Variants in CDH18 observed in about 807,000 individuals in gnomAD.
CDH18 encodes cadherin-18.
A neutral mutation model predicts 67.9 loss-of-function variants in CDH18; 31 were observed. The observed-to-expected ratio is 0.46, with a 90% confidence interval of 0.34 to 0.62. The LOEUF is 0.62. Among genes scored for constraint, CDH18 ranks in the 20% least tolerant of loss-of-function variants. The pLI, the probability that CDH18 is intolerant of heterozygous loss-of-function variation, is 0.01. For synonymous variants in CDH18, 362 were observed against 347.2 expected, an observed-to-expected ratio of 1.04 and a Z score of -0.48; for missense variants, 890 against 975.5, an observed-to-expected ratio of 0.91 and a Z score of 1.17.
intron 11 of CDH18, among the ~76,000 whole-genome samples, chr5:19,497,320 C>A (rs1742512940): frequency 6.6e-6 from 1 of 151,962 alleles, no homozygotes. Context: ...GTGTATAGAC[C>A]ACATTTTCTT....
chr5:20,253,964 C>T (rs907844921), intron 2 of CDH18, among the ~76,000 whole-genome samples: 2 of 152,062 alleles, frequency 1.3e-5, no homozygotes, highest in Non-Finnish European at 2.9e-5. Flanking sequence ...CCAAGTTCAT[C>T]ACAAAAGAAA....
chr5:20,409,719 A>G (rs1362254459), intron 1 of CDH18, among the ~76,000 whole-genome samples: 2 of 151,626 alleles, frequency 1.3e-5, no homozygotes, highest in Non-Finnish European at 3.0e-5. Flanking sequence ...AACTGAGTTA[A>G]TATTTTGAAA....
At chr5:19,782,360 G>C (rs1775217860) in intron 3 of CDH18, among the ~76,000 whole-genome samples, 2 of 152,128 alleles carry the variant, frequency 1.3e-5, no homozygotes, top group Non-Finnish European at 2.9e-5. Context: ...ACCTCCACCT[G>C]GTTCCGCCCT....
chr5:20,407,238 C>A (rs1416510563), intron 1 of CDH18, among the ~76,000 whole-genome samples: 1 of 152,044 alleles, frequency 6.6e-6, no homozygotes, highest in African/African-American at 2.4e-5. Context: ...ACCACACAAC[C>A]AATGTTTCAA....
At chr5:20,442,795 A>G (rs1749701282) in intron 1 of CDH18, among the ~76,000 whole-genome samples, 2 of 151,918 alleles carry the variant, frequency 1.3e-5, no homozygotes, top group South Asian at 4.1e-4. Flanking sequence ...TAATTTTGCC[A>G]AAGACTAGTG....
intron 1 of CDH18, among the ~76,000 whole-genome samples, chr5:20,283,935 T>C (rs1008073385): frequency 2.6e-5 from 4 of 152,016 alleles, no homozygotes; most frequent in African/African-American, 9.7e-5. Context: ...TGAGATCCTA[T>C]CATTGACAAT....
At position 19,732,480 on chromosome 5, in the gene CDH18, C is replaced by T. The variant is rs545610594; in HGVS notation, c.524-11014G>A. 7.9e-5 allele frequency among the ~76,000 whole-genome samples: 12 copies of T among 151,228 alleles called. No homozygotes were observed. In the South Asian group the frequency reaches 2.3e-3, roughly 29 times the overall value. On this transcript the variant is annotated intron_variant, in intron 4 of 12. Transcript: ENST00000382275. ...GATTATGCCACTGCACTCCAGTCTA[C>T]GTGACAGAGTGAGACCTTGTCTCAA...
chr5:19,980,423 T>C (rs979017366), intron 2 of CDH18, among the ~76,000 whole-genome samples: 1 of 152,184 alleles, frequency 6.6e-6, no homozygotes, highest in Non-Finnish European at 1.5e-5. Flanking sequence ...AAATACACTC[T>C]TTATACCTAA....
At chr5:20,516,481 G>T (rs1239310822) in intron 1 of CDH18, among the ~76,000 whole-genome samples, 1 of 151,764 alleles carries the variant, frequency 6.6e-6, no homozygotes, top group Non-Finnish European at 1.5e-5. Context: ...GGTGACTTTG[G>T]GCTGAGTTTT....
At chr5:20,046,327 G>C (rs1022391158) in intron 2 of CDH18, among the ~76,000 whole-genome samples, 1 of 151,926 alleles carries the variant, frequency 6.6e-6, no homozygotes, top group Non-Finnish European at 1.5e-5. Flanking sequence ...ACTGAGATGA[G>C]GAACAGTTGG....
intron 5 of CDH18, among the ~76,000 whole-genome samples, chr5:19,666,612 T>C (rs1487865370): frequency 1.3e-5 from 2 of 151,992 alleles, no homozygotes; most frequent in African/African-American, 4.8e-5. Flanking sequence ...AATTTTAAGA[T>C]AGTTGTTTTA....
At chr5:19,573,183 A>C (rs181819818) in intron 7 of CDH18, among the ~76,000 whole-genome samples, 24 of 152,302 alleles carry the variant, frequency 1.6e-4, no homozygotes, top group Middle Eastern at 3.4e-3. Flanking sequence ...ATTTCAGATT[A>C]TATATTTTTC....
chr5:20,558,378 A>G (rs1401217302), intron 1 of CDH18, among the ~76,000 whole-genome samples: 1 of 152,118 alleles, frequency 6.6e-6, no homozygotes, highest in Admixed American at 6.6e-5. Context: ...GGGGAGGAGT[A>G]TAAAAAAGGT....
At position 19,483,330 on chromosome 5, in the gene CDH18, G is replaced by A. The variant is rs1315166062; in HGVS notation, c.1853C>T (p.Ala618Val). The stretch of plus-strand genomic sequence containing the variant: ...GAGAATGAGAACACAGAGAAGAATA[G>A]CGATTAAGGCTCCTGTACTCAAACC... ...SAGLSTGALI[A>V]ILLCVLILLA... Residue 618 changes from alanine (A) to valine (V), a missense_variant, in exon 12 of 13, where the codon GCT (alanine) becomes GTT (valine). Ala to Val is a moderately conservative substitution (Grantham distance 64). Coordinates refer to ENST00000382275, the MANE Select transcript of CDH18 (RefSeq NM_004934.5). 3 of 1,613,780 alleles carry A rather than the reference G, an allele frequency of 1.9e-6. No individual in the cohort carries two copies. The highest frequency in any genetic ancestry group is 2.5e-6 in the Non-Finnish European group (3 of 1,179,920).
At chr5:19,991,728 G>T (rs1309014510), upstream of CDH18, 1 of 152,218 alleles carries the variant, frequency 6.6e-6, no homozygotes, top group Non-Finnish European at 1.5e-5. Context: ...AGTAGGACAG[G>T]TGCGGTGGCT....
intron 2 of CDH18, among the ~76,000 whole-genome samples, chr5:20,051,528 T>C (rs558614377): frequency 3.4e-4 from 51 of 152,096 alleles, no homozygotes; most frequent in African/African-American, 1.2e-3. Flanking sequence ...CATTATACTA[T>C]TTCAAAATAT....
chr5:20,342,614 A>G (rs1446637562), intron 1 of CDH18, among the ~76,000 whole-genome samples: 7 of 152,158 alleles, frequency 4.6e-5, no homozygotes, highest in Non-Finnish European at 1.0e-4. Flanking sequence ...AGCAATCTGG[A>G]GAATAGGCAT....
intron 2 of CDH18, among the ~76,000 whole-genome samples, chr5:19,914,645 G>A (rs1421655327): frequency 1.1e-4 from 17 of 152,004 alleles, no homozygotes; most frequent in Admixed American, 9.8e-4. Context: ...GATTGTAAAA[G>A]TAGTGAGAAA....
intron 1 of CDH18, among the ~76,000 whole-genome samples, chr5:20,486,094 T>C (rs1753154081): frequency 6.6e-6 from 1 of 152,206 alleles, no homozygotes; most frequent in African/African-American, 2.4e-5. Flanking sequence ...AGAACTTTTC[T>C]GCAATCCATA....
Sources: gnomAD v4.1 joint callset for allele counts (sites outside exome capture counted in the v4.1 genomes callset) on GRCh38, gnomAD v4.1.1 for gene constraint, MANE v1.5 for transcripts, NCBI Gene and HGNC (gene_info 2026-07-23, HGNC 2026-07-21) for gene names.